Variants in WDHD1 observed in about 807,000 individuals in gnomAD.
WDHD1 encodes the protein WD repeat and HMG-box DNA-binding protein 1.
In WDHD1, 111 loss-of-function variants were observed where a neutral mutation model predicts 135.4. The observed-to-expected ratio is 0.82, with a 90% confidence interval of 0.70 to 0.96. The LOEUF (loss-of-function observed/expected upper bound fraction) is 0.96. WDHD1 is among the 40% of genes least tolerant of loss of function. The probability of loss-of-function intolerance (pLI) is 0.00; values close to 1 mark genes in which losing one functional copy is unlikely to be tolerated. For synonymous variants in WDHD1, 434 were observed against 439.0 expected (o/e 0.99, Z 0.14); for missense variants, 1,351 against 1,336.3 (o/e 1.01, Z -0.17).
chr14:55,026,264 G>A (rs2042438381), intron 2 of WDHD1, among the ~76,000 whole-genome samples: 2 of 151,946 alleles, frequency 1.3e-5, no homozygotes, highest in South Asian at 4.1e-4. Context: ...AATAACCGTA[G>A]GAAAATATTA....
chr14:55,003,147 A>G (rs1223834601), intron 7 of WDHD1, among the ~76,000 whole-genome samples: 2 of 152,130 alleles, frequency 1.3e-5, no homozygotes, highest in African/African-American at 2.4e-5. Flanking sequence ...TTTTGTAAGC[A>G]AAGAAAAAAA....
chr14:54,980,641 T>C (rs1025113436), intron 16 of WDHD1, among the ~76,000 whole-genome samples: 2 of 151,674 alleles, frequency 1.3e-5, no homozygotes, highest in Admixed American at 6.6e-5. Flanking sequence ...CTGTCTCTAC[T>C]AAAAATACAA....
Position 55,013,559 on chromosome 14 carries a change from T to C in WDHD1, c.115A>G (p.Ile39Val), listed in dbSNP as rs1321975998. The change falls in exon 3 of 26, where the codon ATT (isoleucine) becomes GTT (valine). Residue 39 changes from isoleucine to valine, a missense_variant. This residue lies in a region of WDHD1 where 1,330 missense variants were observed against 1,296.1 expected (regional missense o/e 1.03). Coordinates refer to ENST00000360586, the MANE Select transcript of WDHD1 (RefSeq NM_007086.4). ...TCATCATCATCCAAGTCTTCCCAAA[T>C]CCTCACATCACCATCACTTCCACAA... ...VTCGSDGDVR[I>V]WEDLDDDDPK... is the part of the protein sequence containing the mutation. 1 of 1,614,042 alleles carries C rather than the reference T, an allele frequency of 6.2e-7. No individual in the cohort carries two copies. Among genetic ancestry groups the C allele is most frequent in the South Asian group, 1.1e-5 (1 of 91,082 alleles).
At chr14:54,985,862 A>C (rs2041686996) in intron 14 of WDHD1, among the ~76,000 whole-genome samples, 1 of 152,240 alleles carries the variant, frequency 6.6e-6, no homozygotes, top group Non-Finnish European at 1.5e-5. Flanking sequence ...AATCGAGGAT[A>C]ATTTTTAGAT....
chr14:55,004,210 T>C (rs191220051), intron 7 of WDHD1, among the ~76,000 whole-genome samples: 145 of 152,318 alleles, frequency 9.5e-4, no homozygotes, highest in Non-Finnish European at 1.2e-3. Flanking sequence ...TTCCTGGTAT[T>C]CATATCCTTG....
intron 16 of WDHD1, among the ~76,000 whole-genome samples, chr14:54,979,922 A>G (rs2041589604): frequency 6.6e-6 from 1 of 152,080 alleles, no homozygotes. Flanking sequence ...CATCTTGCAG[A>G]TTTTTCTATA....
intron 2 of WDHD1, among the ~76,000 whole-genome samples, chr14:55,021,653 T>C (rs1399337864): frequency 6.6e-6 from 1 of 152,230 alleles, no homozygotes; most frequent in Non-Finnish European, 1.5e-5. Context: ...CCCAAAGTGC[T>C]GGGATTACAG....
chr14:55,020,505 C>T (rs2042328229), intron 2 of WDHD1, among the ~76,000 whole-genome samples: 1 of 152,188 alleles, frequency 6.6e-6, no homozygotes, highest in Admixed American at 6.5e-5. Flanking sequence ...AACTTGATCT[C>T]TAAATATTTT....
intron 2 of WDHD1, among the ~76,000 whole-genome samples, chr14:55,016,988 C>T (rs1258089872): frequency 1.3e-5 from 2 of 152,158 alleles, no homozygotes; most frequent in Admixed American, 1.3e-4. Context: ...TCAATGTCAT[C>T]AGGAGTTTTA....
At chr14:55,026,142 G>A (rs2042434718) in intron 2 of WDHD1, among the ~76,000 whole-genome samples, 1 of 152,272 alleles carries the variant, frequency 6.6e-6, no homozygotes, top group African/African-American at 2.4e-5. Context: ...CCCAGCAAAA[G>A]AGACACACAA....
At chr14:54,955,792 TG>T in intron 23 of WDHD1, 98 bp from the exon 24 acceptor site, 1 of 1,121,468 alleles carries the variant, frequency 8.9e-7, no homozygotes, top group Non-Finnish European at 1.1e-6. Flanking sequence ...CTATAATTAT[TG>T]AGAATTCTTA....
At chr14:55,010,990 C>T (rs2042159253) in intron 3 of WDHD1, among the ~76,000 whole-genome samples, 1 of 152,194 alleles carries the variant, frequency 6.6e-6, no homozygotes, top group Non-Finnish European at 1.5e-5. Flanking sequence ...ACCCAGAAGA[C>T]AGGAATGGAA....
At chr14:54,945,071 AACCTC>A (rs1358490934) in intron 24 of WDHD1, among the ~76,000 whole-genome samples, 1 of 152,146 alleles carries the variant, frequency 6.6e-6, no homozygotes, top group African/African-American at 2.4e-5. Flanking sequence ...CAAGGTCTCC[AACCTC>A]ACTTAGCCCT....
At chr14:54,950,771 A>G (rs1224124893) in intron 24 of WDHD1, among the ~76,000 whole-genome samples, 1 of 152,208 alleles carries the variant, frequency 6.6e-6, no homozygotes, top group Non-Finnish European at 1.5e-5. Context: ...AGCAAATGTA[A>G]AAGAACAGAA....
intron 11 of WDHD1, among the ~76,000 whole-genome samples, chr14:54,993,756 TG>T (rs34965286): frequency 0.11 from 16,564 of 151,404 alleles, 1,076 homozygotes; most frequent in South Asian, 0.18. Context: ...TAATTTTTTT[TG>T]TTTTTCATAA....
At chr14:54,993,743 C>G (rs994116868) in intron 11 of WDHD1, among the ~76,000 whole-genome samples, 4 of 121,704 alleles carry the variant, frequency 3.3e-5, no homozygotes, top group African/African-American at 8.6e-5. Context: ...CCACTCTTCT[C>G]ACTAATTTTT....
chr14:55,009,433 A>T (rs1015322003), intron 4 of WDHD1, among the ~76,000 whole-genome samples: 5 of 144,102 alleles, frequency 3.5e-5, no homozygotes, highest in Admixed American at 2.8e-4. Flanking sequence ...AAGTAAAATA[A>T]TTTTTTTTTT....
chr14:54,967,929 C>T (rs2041372206), intron 16 of WDHD1, among the ~76,000 whole-genome samples: 1 of 152,180 alleles, frequency 6.6e-6, no homozygotes. Flanking sequence ...CCTCACATCT[C>T]ACTTTATTAA....
intron 10 of WDHD1, among the ~76,000 whole-genome samples, chr14:54,997,968 T>A (rs1253856504): frequency 6.6e-6 from 1 of 150,732 alleles, no homozygotes; most frequent in Non-Finnish European, 1.5e-5. Context: ...CCCTAGCACT[T>A]TGGGGGGCTG....
Sources: gnomAD v4.1 joint callset for allele counts (sites outside exome capture counted in the v4.1 genomes callset) on GRCh38, gnomAD v4.1.1 for gene constraint, gnomAD v4.1.1 regional missense constraint, MANE v1.5 for transcripts, NCBI Gene and HGNC (gene_info 2026-07-23, HGNC 2026-07-21) for gene names.